TTN: variants seen among roughly 807,000 people sequenced by gnomAD.
The protein encoded by TTN is titin, also known as connectin.
Under a neutral mutation model 3,223.0 loss-of-function variants are expected in TTN, and 1,525 were observed. The observed-to-expected ratio is 0.47, with a 90% confidence interval of 0.45 to 0.49. TTN has a LOEUF of 0.49. TTN is among the 20% of genes least tolerant of loss of function. The pLI is 0.00. For synonymous variants in TTN, 14,094 were observed against 15,161.0 expected, an observed-to-expected ratio of 0.93 and a Z score of 5.17; for missense variants, 40,786 against 43,424.0, an observed-to-expected ratio of 0.94 and a Z score of 5.40.
chr2:178,533,515 C>T lies in TTN; in HGVS notation c.103100G>A (p.Arg34367Lys). 1 of 1,613,638 alleles carries T rather than the reference C, an allele frequency of 6.2e-7. No individual in the cohort carries two copies. ...TDSTLRPMFKRLLANAECQEG... is the reference protein window; with the variant it reads ...TDSTLRPMFKKLLANAECQEG... ...TTGGCATTCTGCATTTGCCAGTAAC[C>T]TTTTGAACATGGGTCTTAAGGTACT... The change falls in exon 358 of 363, where the codon AGG (arginine) becomes AAG (lysine). Residue 34367 changes from arginine (R) to lysine (K), a missense_variant. By Grantham distance (26) the Arg-to-Lys change is conservative (BLOSUM62 2). Transcript: ENST00000589042.
chr2:178,757,628 G>A lies in TTN; in HGVS notation c.10592C>T (p.Ser3531Leu). ...MALMLIVDAY[S>L]EHAGQYSCKA... ...GCAAGAGTACTGCCCAGCATGCTCTGAGTAAGCATCAACTATAAGCATTAA... is the reference window on the plus strand; with the variant it reads ...GCAAGAGTACTGCCCAGCATGCTCTAAGTAAGCATCAACTATAAGCATTAA... The change falls in exon 45 of 363, where the codon TCA (serine) becomes TTA (leucine). Residue 3531 changes from serine (S) to leucine (L), a missense_variant. Transcript: ENST00000589042. 1 of 1,613,700 alleles carries A rather than the reference G, an allele frequency of 6.2e-7. No individual in the cohort carries two copies. Among genetic ancestry groups the A allele is most frequent in the Non-Finnish European group, 8.5e-7 (1 of 1,179,698 alleles).
chr2:178,781,634 T>A (rs1342895122), intron 20 of TTN, among the ~76,000 whole-genome samples: 2 of 152,216 alleles, frequency 1.3e-5, no homozygotes, highest in Non-Finnish European at 2.9e-5. Flanking sequence ...AAACAATAAA[T>A]TCCTTCAAAT....
In TTN at chr2:178,549,410, G is replaced by A; in HGVS notation, c.92216C>T (p.Thr30739Ile). The A allele has an allele frequency of 6.2e-7, 1 of 1,613,676 alleles. No homozygotes were observed. ...SNITGNSITL[T>I]WARPESDGGS... ...ACCATCTGATTCTGGCCTTGCCCAT[G>A]TCAGGGTAATGCTGTTGCCTGTTAT... Residue 30739 changes from threonine (T) to isoleucine (I), a missense_variant, in exon 339 of 363, where the codon ACA becomes ATA. By Grantham distance (89) the Thr-to-Ile change is moderately conservative. Coordinates refer to ENST00000589042, the MANE Select transcript of TTN (RefSeq NM_001267550.2).
At position 178,776,506 on chromosome 2, in the gene TTN, A is replaced by G; in HGVS notation, c.5358T>C (p.Asp1786=). 1 of 1,608,708 alleles carries G rather than the reference A, an allele frequency of 6.2e-7. No individual in the cohort carries two copies. ...TCRATNKYGT[D]HTSATLIVKD... ...TAACAATAAGGGTAGCAGATGTGTG[A>G]TCTGTTCCATATTTGTTAGTGGCTC... The change falls in exon 28 of 363, where the codon GAT becomes GAC. Residue 1786 remains aspartate, a synonymous_variant. Coordinates refer to ENST00000589042, the MANE Select transcript of TTN (RefSeq NM_001267550.2).
At chr2:178,673,797 C>T in intron 151 of TTN, 87 bp from the exon 152 acceptor site, 5 of 948,046 alleles carry the variant, frequency 5.3e-6, no homozygotes, top group Middle Eastern at 2.2e-4. Context: ...TATCACAAAA[C>T]ATTGACTTAT....
Position 178,733,278 on chromosome 2 carries a change from C to A in TTN, c.16015G>T (p.Val5339Leu), listed in dbSNP as rs2080875658. 1 of 1,611,538 alleles carries A rather than the reference C, an allele frequency of 6.2e-7. No individual in the cohort carries two copies. ...GTAGTCTCACAGGAGCTGCTGCCCA[C>A]TTCATTGGAAATCTCAAATGTGTAT... ...GQYTFEISNEVGSSSCETTFT... is the reference protein window; with the variant it reads ...GQYTFEISNELGSSSCETTFT... The change falls in exon 54 of 363, where the codon GTG becomes TTG. Residue 5339 changes from valine (V) to leucine (L), a missense_variant. Physicochemically the swap from Val to Leu is conservative, Grantham distance 32. Transcript: ENST00000589042.
Position 178,697,406 on chromosome 2 carries a change from G to A in TTN, c.30755-238C>T, listed in dbSNP as rs577421427. ...TGCAAAAGGCCAAAGTTTGATTCTAGTTTAGATTGATTTAAGATCATTTAA... is the reference window on the plus strand; with the variant it reads ...TGCAAAAGGCCAAAGTTTGATTCTAATTTAGATTGATTTAAGATCATTTAA... On this transcript the variant is annotated intron_variant, in intron 112 of 362. Coordinates refer to ENST00000589042, the MANE Select transcript of TTN (RefSeq NM_001267550.2). 3.0e-4 allele frequency among the ~76,000 whole-genome samples: 45 copies of A among 152,218 alleles called. No homozygotes were observed. The South Asian group carries it at 3.9e-3, about 13-fold the overall frequency.
rs771707205 is a variant in TTN at position 178,534,555 on chromosome 2, G to A, written c.102060C>T (p.Asn34020=). The change falls in exon 358 of 363, where the codon AAC becomes AAT. Residue 34020 remains asparagine, a synonymous_variant. Transcript: ENST00000589042. ...SGINPFLAET[N]QQIIENIMNA... Reference sequence around the variant, plus strand: ...TCATGATATTCTCAATGATCTGTTGGTTAGTTTCAGCCAGGAATGGGTTGA... The same window carrying A: ...TCATGATATTCTCAATGATCTGTTGATTAGTTTCAGCCAGGAATGGGTTGA... 7.4e-6 allele frequency: 12 copies of A among 1,613,826 alleles called. No individual in the cohort carries two copies. The East Asian group carries it at 2.7e-4, about 36-fold the overall frequency.
Position 178,545,480 on chromosome 2 carries a change from C to T in TTN, c.95630G>A (p.Cys31877Tyr), listed in dbSNP as rs1335546534. ...RLKVTSLMEG[C>Y]DYQFRVTAVN... ...TGCGGTCACCCGGAACTGGTAATCA[C>T]AACCCTCCATCAGGCTGGTCACCTT... The change falls in exon 344 of 363, where the codon TGT (cysteine) becomes TAT (tyrosine). Residue 31877 changes from cysteine to tyrosine, a missense_variant. Coordinates refer to ENST00000589042, the MANE Select transcript of TTN (RefSeq NM_001267550.2). 6.2e-7 allele frequency: 1 copy of T among 1,613,358 alleles called. No individual in the cohort carries two copies. Among genetic ancestry groups the T allele is most frequent in the African/African-American group, 1.3e-5 (1 of 74,908 alleles).
Position 178,800,525 on chromosome 2 carries a change from T to G in TTN, c.453A>C (p.Gln151His), listed in dbSNP as rs975437384. 6.2e-7 allele frequency: 1 copy of G among 1,614,058 alleles called. No individual in the cohort carries two copies. ...GAEIQSSLDFQISQEGDLYSL... is the reference protein window; with the variant it reads ...GAEIQSSLDFHISQEGDLYSL... Reference sequence around the variant, plus strand: ...TGTAGAGGTCGCCTTCTTGTGAAATTTGGAAATCAAGGGAGCTCTGGATTT... The same window carrying G: ...TGTAGAGGTCGCCTTCTTGTGAAATGTGGAAATCAAGGGAGCTCTGGATTT... Residue 151 changes from glutamine (Q) to histidine (H), a missense_variant, in exon 4 of 363, where the codon CAA becomes CAC. Transcript: ENST00000589042.
In TTN at chr2:178,583,721, C is replaced by G; in HGVS notation, c.65461G>C (p.Ala21821Pro). 1 of 1,612,372 alleles carries G rather than the reference C, an allele frequency of 6.2e-7. No homozygotes were observed. Among genetic ancestry groups the G allele is most frequent in the Non-Finnish European group, 8.5e-7 (1 of 1,179,188 alleles). The change falls in exon 312 of 363, where the codon GCT becomes CCT. Residue 21821 changes from alanine (A) to proline (P), a missense_variant. Physicochemically the swap from Ala to Pro is conservative, Grantham distance 27. Transcript: ENST00000589042. Reference protein sequence around the residue: ...PHQIPQEEYTATGLEEKAQYQ... With the variant: ...PHQIPQEEYTPTGLEEKAQYQ... Reference sequence around the variant, plus strand: ...TGAGCTTTCTCTTCTAGGCCAGTAGCTGTGTACTCTTCCTGGGGAATCTGG... The same window carrying G: ...TGAGCTTTCTCTTCTAGGCCAGTAGGTGTGTACTCTTCCTGGGGAATCTGG...
At chr2:178,692,406 T>C (rs2072686803) in intron 120 of TTN, 91 bp downstream of exon 120, 2 of 1,159,890 alleles carry the variant, frequency 1.7e-6, no homozygotes, top group Admixed American at 4.0e-5. Context: ...TATAGATGGT[T>C]TACAGATGCT....
intron 156 of TTN, 115 bp downstream of exon 156, chr2:178,670,975 C>A: frequency 1.3e-6 from 1 of 779,254 alleles, no homozygotes; most frequent in South Asian, 1.9e-5. Flanking sequence ...TTAGACATGT[C>A]AGAAACAAGA....
At chr2:178,705,666 A>G (rs573460386) in intron 102 of TTN, among the ~76,000 whole-genome samples, 25 of 152,296 alleles carry the variant, frequency 1.6e-4, no homozygotes, top group Non-Finnish European at 3.4e-4. Flanking sequence ...ATGAATTATA[A>G]TATCAGAAAA....
chr2:178,640,613 G>C lies in TTN; in HGVS notation c.40651C>G (p.Pro13551Ala), dbSNP rs2061119024. ...KKPAVPEPPP[P>A]KPVEEVEVPT... Reference sequence around the variant, plus strand: ...ACTTCAACCTCTTCAACAGGTTTTGGAGGTGGTGGTTCTGGTACTTTAAGA... The same window carrying C: ...ACTTCAACCTCTTCAACAGGTTTTGCAGGTGGTGGTTCTGGTACTTTAAGA... The change falls in exon 221 of 363, where the codon CCA (proline) becomes GCA (alanine). Residue 13551 changes from proline (P) to alanine (A), a missense_variant. Physicochemically the swap from Pro to Ala is conservative, Grantham distance 27. Coordinates refer to ENST00000589042, the MANE Select transcript of TTN (RefSeq NM_001267550.2). 1 of 1,587,896 alleles carries C rather than the reference G, an allele frequency of 6.3e-7. No individual in the cohort carries two copies. Among genetic ancestry groups the C allele is most frequent in the African/African-American group, 1.4e-5 (1 of 72,436 alleles).
chr2:178,651,221 G>A (rs768106232), intron 208 of TTN, 22 bp downstream of exon 208: 18 of 1,599,972 alleles, frequency 1.1e-5, no homozygotes, highest in Non-Finnish European at 1.5e-5. Flanking sequence ...CTTTTCTGCA[G>A]AATCTCATTA....
At chr2:178,529,922 T>A (rs1688315196) in intron 359 of TTN, 38 bp downstream of exon 359, 1 of 1,568,556 alleles carries the variant, frequency 6.4e-7, no homozygotes, top group Admixed American at 2.2e-5. Context: ...TAATATTATC[T>A]TCTGAAGAAA....
rs879116103 is a variant in TTN, at chr2:178,537,686, A to G, written c.99521T>C (p.Ile33174Thr). 6.2e-6 allele frequency: 10 copies of G among 1,613,684 alleles called. No individual in the cohort carries two copies. The highest frequency in any genetic ancestry group is 5.3e-5 in the African/African-American group (4 of 74,912). ...TACTTCTCCAACCTCATTGGTGGCT[A>G]TGCAGGTATAAACACCTTCATCTTC... ...EQEDEGVYTC[I>T]ATNEVGEVET... Residue 33174 changes from isoleucine to threonine, a missense_variant, in exon 355 of 363, where the codon ATA (isoleucine) becomes ACA (threonine). Physicochemically the swap from Ile to Thr is moderately conservative, Grantham distance 89 (BLOSUM62 -1). Transcript: ENST00000589042.
At chr2:178,697,069 G>T in intron 113 of TTN, 52 bp downstream of exon 113, 10 of 1,421,438 alleles carry the variant, frequency 7.0e-6, no homozygotes, top group Non-Finnish European at 8.7e-6. Flanking sequence ...ATAGTTAGCA[G>T]AAGTGCAAAT....
Sources: allele counts gnomAD v4.1 joint callset (sites outside exome capture counted in the v4.1 genomes callset), GRCh38; gene constraint gnomAD v4.1.1; transcripts MANE v1.5; gene names NCBI Gene and HGNC (gene_info 2026-07-23, HGNC 2026-07-21).